The following ANKRD31 variants were observed in gnomAD, a reference collection of about 807,000 sequenced individuals.
The protein encoded by ANKRD31 is ankyrin repeat domain 31.
ANKRD31 carries 147 observed loss-of-function variants against 186.0 expected under a neutral mutation model. That is an observed-to-expected ratio of 0.79 (90% CI 0.69 to 0.91). The LOEUF (loss-of-function observed/expected upper bound fraction) is 0.91. Ranked by LOEUF, ANKRD31 falls within the 40% of genes least tolerant of loss-of-function variation. The pLI is 0.00. For synonymous variants in ANKRD31, 673 were observed against 736.4 expected (o/e 0.91, Z 1.39); for missense variants, 1,986 against 2,148.8 (o/e 0.92, Z 1.50).
chr5:75,068,780 T>C, intron 25 of ANKRD31, 116 bp from the exon 26 acceptor site: 1 of 1,064,728 alleles, frequency 9.4e-7, no homozygotes, highest in Non-Finnish European at 1.3e-6. Context: ...CATAACAGGT[T>C]TTCTGATCAG....
At chr5:75,229,693 C>T (rs546819382) in intron 2 of ANKRD31, among the ~76,000 whole-genome samples, 31 of 151,802 alleles carry the variant, frequency 2.0e-4, no homozygotes, top group South Asian at 8.4e-4. Context: ...GGTGAAACCC[C>T]GTCTCTACTA....
At chr5:75,177,536 T>C (rs1753906708) in intron 10 of ANKRD31, among the ~76,000 whole-genome samples, 1 of 152,140 alleles carries the variant, frequency 6.6e-6, no homozygotes, top group Non-Finnish European at 1.5e-5. Flanking sequence ...GTGGATCTCT[T>C]GGCAGAAACT....
intron 10 of ANKRD31, among the ~76,000 whole-genome samples, chr5:75,177,945 G>C (rs951446585): frequency 1.3e-5 from 2 of 151,942 alleles, no homozygotes; most frequent in Non-Finnish European, 2.9e-5. Flanking sequence ...TGGCAAACTG[G>C]ATAAAGAGTC....
chr5:75,206,567 C>A, intron 4 of ANKRD31, 80 bp from the exon 5 acceptor site: 1 of 779,236 alleles, frequency 1.3e-6, no homozygotes, highest in Non-Finnish European at 1.7e-6. Flanking sequence ...TTTAATTTTT[C>A]TTTTTCACTT....
intron 12 of ANKRD31, among the ~76,000 whole-genome samples, chr5:75,150,273 T>C (rs1345378326): frequency 1.3e-5 from 2 of 151,908 alleles, no homozygotes; most frequent in Non-Finnish European, 2.9e-5. Flanking sequence ...AAAGTAGATA[T>C]ATTTTACTTT....
chr5:75,106,700 C>A (rs1177381246), intron 21 of ANKRD31, among the ~76,000 whole-genome samples: 1 of 151,932 alleles, frequency 6.6e-6, no homozygotes, highest in Admixed American at 6.6e-5. Context: ...CAAGCCTCTC[C>A]AAAGTCCCCT....
At chr5:75,111,001 A>G (rs1747736580) in intron 20 of ANKRD31, among the ~76,000 whole-genome samples, 1 of 151,896 alleles carries the variant, frequency 6.6e-6, no homozygotes. Context: ...TACGTGTGGA[A>G]AAAGCTACAT....
At chr5:75,198,524 T>C (rs1755618020) in intron 6 of ANKRD31, among the ~76,000 whole-genome samples, 2 of 152,212 alleles carry the variant, frequency 1.3e-5, no homozygotes, top group African/African-American at 4.8e-5. Context: ...ATTGGGGAAC[T>C]TTAGGACACA....
intron 17 of ANKRD31, among the ~76,000 whole-genome samples, chr5:75,123,353 T>C (rs970194174): frequency 4.6e-5 from 7 of 152,018 alleles, no homozygotes; most frequent in African/African-American, 1.7e-4. Flanking sequence ...ATAATTAAAA[T>C]GAGAATACTT....
In ANKRD31 at chr5:75,147,364, G is replaced by T; in HGVS notation, c.2047C>A (p.Gln683Lys). The change falls in exon 14 of 26, where the codon CAA becomes AAA. Residue 683 changes from glutamine (Q) to lysine (K), a missense_variant. Transcript: ENST00000506364. The part of the protein sequence containing the change: ...INKEDVYEYY[Q>K]KDPKNTKFGK... ...AATTTTGTGTTTTTGGGATCTTTTT[G>T]GTAATATTCATATACATCTTCTTTA... 1 of 1,531,080 alleles carries T rather than the reference G, an allele frequency of 6.5e-7. No individual in the cohort carries two copies. Among genetic ancestry groups the T allele is most frequent in the Non-Finnish European group, 8.7e-7 (1 of 1,144,326 alleles). 94.8% of individuals were successfully genotyped at this position (1,531,080 alleles called of 1,614,324 possible). A position where few individuals can be genotyped will look rare whatever the true frequency, so the allele number is the denominator to read the frequency against.
intron 22 of ANKRD31, among the ~76,000 whole-genome samples, chr5:75,092,565 G>A (rs1745999941): frequency 6.6e-6 from 1 of 152,100 alleles, no homozygotes; most frequent in Non-Finnish European, 1.5e-5. Context: ...ACTGAAGTGG[G>A]GACTTCACTA....
At chr5:75,179,099 T>C (rs1470793113) in intron 10 of ANKRD31, among the ~76,000 whole-genome samples, 3 of 152,094 alleles carry the variant, frequency 2.0e-5, no homozygotes, top group Admixed American at 6.5e-5. Flanking sequence ...GAGAATACTA[T>C]AAACACCTCT....
At chr5:75,163,754 T>C (rs988846057) in intron 11 of ANKRD31, among the ~76,000 whole-genome samples, 1 of 152,148 alleles carries the variant, frequency 6.6e-6, no homozygotes, top group Admixed American at 6.5e-5. Context: ...AATAGTATGA[T>C]CAAAGGTGAA....
chr5:75,222,255 T>C lies in ANKRD31; in HGVS notation c.282A>G (p.Ile94Met), dbSNP rs1347117496. ...CAATCAACATGCTACACACCTGTAATATTGTATCCTCGCTAAGAACAGGCA... is the reference window on the plus strand; with the variant it reads ...CAATCAACATGCTACACACCTGTAACATTGTATCCTCGCTAAGAACAGGCA... ...KMMPVLSEDT[I>M]LQSQDETERN... The change falls in exon 3 of 26, where the codon ATA becomes ATG. Residue 94 changes from isoleucine (I) to methionine (M), a missense_variant. Coordinates refer to ENST00000506364, the MANE Select transcript of ANKRD31 (RefSeq NM_001372053.1). The C allele has an allele frequency of 5.2e-6, 8 of 1,532,708 alleles. No homozygotes were observed. Among genetic ancestry groups the C allele is most frequent in the Admixed American group, 2.0e-5 (1 of 50,916 alleles). The allele number at this position is 1,532,708 out of a possible 1,614,324, so 94.9% of individuals were successfully genotyped here. A position where few individuals can be genotyped will look rare whatever the true frequency, so the allele number is the denominator to read the frequency against.
intron 17 of ANKRD31, among the ~76,000 whole-genome samples, chr5:75,126,120 C>T (rs1056437876): frequency 4.6e-5 from 7 of 152,182 alleles, no homozygotes; most frequent in Non-Finnish European, 1.0e-4. Context: ...GTCTCTTTGA[C>T]TTAGCATGAT....
chr5:75,076,678 T>C (rs971310543), intron 25 of ANKRD31, among the ~76,000 whole-genome samples: 2 of 152,224 alleles, frequency 1.3e-5, no homozygotes, highest in Non-Finnish European at 2.9e-5. Context: ...GAGCTGAAAG[T>C]TCCAAGCTTC....
intron 11 of ANKRD31, among the ~76,000 whole-genome samples, chr5:75,155,057 TTC>T (rs1752075993): frequency 6.6e-6 from 1 of 152,102 alleles, no homozygotes; most frequent in Non-Finnish European, 1.5e-5. Context: ...TACTCTAACT[TTC>T]TTGAGGGTGG....
At position 75,080,567 on chromosome 5, in the gene ANKRD31, C is replaced by A. The variant is rs1339203242; in HGVS notation, c.5647+1G>T. 3 of 1,511,792 alleles carry A rather than the reference C, an allele frequency of 2.0e-6. No homozygotes were observed. The highest frequency in any genetic ancestry group is 2.6e-6 in the Non-Finnish European group (3 of 1,132,352). The allele number at this position is 1,511,792 out of a possible 1,614,324, so 93.6% of individuals were successfully genotyped here. A position where few individuals can be genotyped will look rare whatever the true frequency, so the allele number is the denominator to read the frequency against. ...AATTGAATATTTTCTTTTTTTTTTA[C>A]CTTGTCCAAATTTTGTTTTCTCAAA... On this transcript the variant is annotated splice_donor_variant, in intron 25 of 25. Coordinates refer to ENST00000506364, the MANE Select transcript of ANKRD31 (RefSeq NM_001372053.1). LOFTEE classifies it high-confidence loss of function.
chr5:75,094,006 T>C (rs972943871), intron 22 of ANKRD31, among the ~76,000 whole-genome samples: 1 of 152,236 alleles, frequency 6.6e-6, no homozygotes, highest in Non-Finnish European at 1.5e-5. Flanking sequence ...AAAGACAGTA[T>C]AAATGCATAT....
Sources: gnomAD v4.1 joint callset for allele counts (sites outside exome capture counted in the v4.1 genomes callset) on GRCh38, gnomAD v4.1.1 for gene constraint, MANE v1.5 for transcripts, NCBI Gene and HGNC (gene_info 2026-07-23, HGNC 2026-07-21) for gene names.